Variants in NRXN3 observed in about 807,000 individuals in gnomAD.
The protein encoded by NRXN3 is neurexin 3, also known as neurexin III.
A neutral mutation model predicts 137.6 loss-of-function variants in NRXN3; 32 were observed. The ratio of observed to expected loss-of-function variants is 0.23; its 90% confidence interval spans 0.18 to 0.31. The LOEUF is 0.31. Among genes scored for constraint, NRXN3 ranks in the 10% least tolerant of loss-of-function variants. NRXN3 has a pLI of 1.00. For synonymous variants in NRXN3, 798 were observed against 784.5 expected (o/e 1.02, Z -0.29); for missense variants, 1,574 against 2,062.5 (o/e 0.76, Z 4.59).
chr14:78,735,487 C>T (rs1445966182), intron 8 of NRXN3, among the ~76,000 whole-genome samples: 2 of 152,080 alleles, frequency 1.3e-5, no homozygotes, highest in Non-Finnish European at 2.9e-5. Context: ...ACATGTTCCC[C>T]TTTTATGTGT....
intron 16 of NRXN3, among the ~76,000 whole-genome samples, chr14:79,510,365 A>T (rs1327675895): frequency 6.6e-6 from 1 of 152,222 alleles, no homozygotes; most frequent in East Asian, 1.9e-4. Context: ...AGGGGAATTG[A>T]TAGGCTCATG....
At chr14:79,772,958 G>A (rs993189499) in intron 19 of NRXN3, among the ~76,000 whole-genome samples, 1 of 152,078 alleles carries the variant, frequency 6.6e-6, no homozygotes, top group East Asian at 1.9e-4. Context: ...CCATCAAAAA[G>A]TGGGCAAAGG....
intron 4 of NRXN3, among the ~76,000 whole-genome samples, chr14:78,370,312 CTTTT>C (rs5809879): frequency 2.1e-5 from 3 of 144,760 alleles, no homozygotes; most frequent in Non-Finnish European, 1.5e-5. Context: ...TACTGAGACA[CTTTT>C]TTTTTTTTTT....
intron 4 of NRXN3, among the ~76,000 whole-genome samples, chr14:78,522,062 A>AT (rs1271260711): frequency 6.6e-6 from 1 of 152,136 alleles, no homozygotes; most frequent in Non-Finnish European, 1.5e-5. Context: ...AAAGTAGAGC[A>AT]TTTCTTATCT....
intron 1 of NRXN3, among the ~76,000 whole-genome samples, chr14:78,237,567 A>T (rs2066480667): frequency 6.6e-6 from 1 of 152,154 alleles, no homozygotes; most frequent in South Asian, 2.1e-4. Flanking sequence ...GAGAGAGGGG[A>T]TCCTTTTCAC....
chr14:78,175,655 G>A (rs1017991549), intron 1 of NRXN3, among the ~76,000 whole-genome samples: 1 of 152,058 alleles, frequency 6.6e-6, no homozygotes, highest in African/African-American at 2.4e-5. Context: ...GCTGTGGCTG[G>A]GCCAGCCACA....
At chr14:78,346,783 C>T (rs1365623107) in intron 4 of NRXN3, among the ~76,000 whole-genome samples, 1 of 152,168 alleles carries the variant, frequency 6.6e-6, no homozygotes, top group Admixed American at 6.5e-5. Flanking sequence ...AGACTAAATG[C>T]CTGCCCCCAA....
At chr14:78,694,343 T>C (rs1485560636) in intron 6 of NRXN3, among the ~76,000 whole-genome samples, 1 of 151,950 alleles carries the variant, frequency 6.6e-6, no homozygotes, top group Non-Finnish European at 1.5e-5. Context: ...ATAGAGTAAG[T>C]TATTTTAGGG....
At chr14:79,383,977 T>C (rs1227544696) in intron 15 of NRXN3, among the ~76,000 whole-genome samples, 1 of 152,170 alleles carries the variant, frequency 6.6e-6, no homozygotes, top group Non-Finnish European at 1.5e-5. Flanking sequence ...TCAGTGTTTT[T>C]ATTTCATTAT....
At chr14:78,651,386 A>T in intron 6 of NRXN3, 60 bp downstream of exon 6, 1 of 1,545,368 alleles carries the variant, frequency 6.5e-7, no homozygotes, top group Non-Finnish European at 8.9e-7. Flanking sequence ...TAAACAAATG[A>T]CATGTCTAAA....
At chr14:78,709,712 T>C in intron 7 of NRXN3, 57 bp downstream of exon 7, 2 of 1,500,768 alleles carry the variant, frequency 1.3e-6, no homozygotes, top group South Asian at 2.5e-5. Context: ...CTTCTCAGTT[T>C]GTTTTTTGGC....
intron 15 of NRXN3, among the ~76,000 whole-genome samples, chr14:79,234,570 A>G (rs2073041064): frequency 6.6e-6 from 1 of 150,928 alleles, no homozygotes; most frequent in African/African-American, 2.4e-5. Context: ...TTTTTAGTAG[A>G]AACAGGGTTT....
chr14:78,498,862 G>A (rs1466106507), intron 4 of NRXN3, among the ~76,000 whole-genome samples: 1 of 151,898 alleles, frequency 6.6e-6, no homozygotes, highest in African/African-American at 2.4e-5. Flanking sequence ...CTGGGTTCAA[G>A]TGATTCTTTT....
chr14:79,803,596 A>G (rs1299507822), intron 19 of NRXN3, among the ~76,000 whole-genome samples: 1 of 152,094 alleles, frequency 6.6e-6, no homozygotes, highest in African/African-American at 2.4e-5. Context: ...AAGGCTTTGT[A>G]TCAAATACAG....
chr14:78,405,658 G>A (rs2092438753), intron 4 of NRXN3, among the ~76,000 whole-genome samples: 1 of 152,124 alleles, frequency 6.6e-6, no homozygotes, highest in African/African-American at 2.4e-5. Flanking sequence ...CTGCAGGGCT[G>A]GGAGCCTGGC....
chr14:78,521,726 A>T (rs187088654), intron 4 of NRXN3, among the ~76,000 whole-genome samples: 1 of 152,202 alleles, frequency 6.6e-6, no homozygotes, highest in African/African-American at 2.4e-5. Flanking sequence ...AAATACCACA[A>T]TGATATATAA....
At chr14:78,457,898 G>A (rs552724716) in intron 4 of NRXN3, among the ~76,000 whole-genome samples, 1 of 152,268 alleles carries the variant, frequency 6.6e-6, no homozygotes, top group Non-Finnish European at 1.5e-5. Context: ...ATGCCCATGG[G>A]TGATGTGGTA....
intron 15 of NRXN3, among the ~76,000 whole-genome samples, chr14:79,109,877 A>G (rs1375097224): frequency 6.6e-6 from 1 of 152,140 alleles, no homozygotes; most frequent in Non-Finnish European, 1.5e-5. Flanking sequence ...CCAAATCTCT[A>G]TGAGGCTGTA....
At chr14:79,352,348 TAGAC>T (rs1346820410) in intron 15 of NRXN3, among the ~76,000 whole-genome samples, 5 of 152,170 alleles carry the variant, frequency 3.3e-5, no homozygotes, top group Admixed American at 6.5e-5. Flanking sequence ...TGTGTTCTGT[TAGAC>T]AGAACTGAAG....
Sources: gnomAD v4.1 joint callset for allele counts (sites outside exome capture counted in the v4.1 genomes callset) on GRCh38, gnomAD v4.1.1 for gene constraint, MANE v1.5 for transcripts, NCBI Gene and HGNC (gene_info 2026-07-23, HGNC 2026-07-21) for gene names.